The following ATP2B2 variants were observed in gnomAD, a reference collection of about 807,000 sequenced individuals.
ATP2B2 encodes the protein plasma membrane calcium-transporting ATPase 2.
In ATP2B2, 15 loss-of-function variants were observed where a neutral mutation model predicts 120.0. The observed-to-expected ratio is 0.12, with a 90% CI of 0.08 to 0.19. The LOEUF (loss-of-function observed/expected upper bound fraction) is 0.19, where lower values mean the gene tolerates loss of function less well. ATP2B2 is among the 10% of genes least tolerant of loss of function. The pLI, the probability that ATP2B2 is intolerant of heterozygous loss-of-function variation, is 1.00. For synonymous variants in ATP2B2, 694 were observed against 700.3 expected (o/e 0.99, Z 0.14); for missense variants, 1,045 against 1,719.8 (o/e 0.61, Z 6.94).
In ATP2B2 at chr3:10,343,499, A is replaced by AT. The variant is rs55777326; in HGVS notation, c.2704-535dup. ...ATTAATACATTTCAAGGTAGGAAAT[A>AT]TGGCAAATGAGGAATAGCAAAAGCA... On this transcript the variant is annotated intron_variant, in intron 18 of 22. Coordinates refer to ENST00000360273, the MANE Select transcript of ATP2B2 (RefSeq NM_001001331.4). This position sits in a 1 kb window ranked among gnomAD's most constrained non-coding sequence, Gnocchi z 4.2. Among the ~76,000 whole-genome samples, 151,999 of 152,000 alleles carry AT rather than the reference A, an allele frequency of 1. 75,999 individuals carry two copies. Among genetic ancestry groups the AT allele is most frequent in the Non-Finnish European group, 1 (67,996 of 67,996 alleles).
chr3:10,397,037 G>T (rs1339896576), intron 5 of ATP2B2, among the ~76,000 whole-genome samples: 2 of 152,184 alleles, frequency 1.3e-5, no homozygotes, highest in East Asian at 1.9e-4. Flanking sequence ...CACTCCTATT[G>T]TCCTCCCAGG....
At chr3:10,652,153 T>C (rs916692721) in intron 1 of ATP2B2, among the ~76,000 whole-genome samples, 5 of 152,174 alleles carry the variant, frequency 3.3e-5, no homozygotes, top group African/African-American at 1.2e-4. Context: ...TCTGCCCACC[T>C]CAGCCCCAGA....
chr3:10,659,428 A>C (rs892108293), intron 1 of ATP2B2, among the ~76,000 whole-genome samples: 1 of 152,250 alleles, frequency 6.6e-6, no homozygotes, highest in Non-Finnish European at 1.5e-5. Context: ...AAACAAAAAA[A>C]GGCAGGGGTT....
At chr3:10,388,561 C>G (rs1016405845) in intron 5 of ATP2B2, among the ~76,000 whole-genome samples, 159 bp from the exon 6 acceptor site, 21 of 152,182 alleles carry the variant, frequency 1.4e-4, no homozygotes, top group South Asian at 2.1e-4. Context: ...GTGGTGGGCT[C>G]TTTCAAGATG....
intron 15 of ATP2B2, 27 bp from the exon 16 acceptor site, chr3:10,350,226 G>A: frequency 6.7e-7 from 1 of 1,495,010 alleles, no homozygotes; most frequent in Non-Finnish European, 9.3e-7. Context: ...AAGGGGGCGG[G>A]TCGGTGGGGT....
intron 12 of ATP2B2, among the ~76,000 whole-genome samples, chr3:10,364,359 G>A (rs369342185): frequency 1.4e-4 from 22 of 152,140 alleles, no homozygotes; most frequent in African/African-American, 3.9e-4. Context: ...GGTCAAGTTT[G>A]TAAATTTTAT....
Position 10,402,764 on chromosome 3 carries a change from T to C in ATP2B2, c.398-416A>G, listed in dbSNP as rs146332882. Among the ~76,000 whole-genome samples the C allele has an allele frequency of 2.5e-3, 385 of 152,330 alleles. 3 individuals carry two copies. The highest frequency in any genetic ancestry group is 8.9e-3 in the African/African-American group (372 of 41,572). On this transcript the variant is annotated intron_variant, in intron 3 of 22. Transcript: ENST00000360273. This position sits in a 1 kb window ranked among gnomAD's most constrained non-coding sequence, Gnocchi z 4.9. ...ATTTTTTCTCATCTGGGTAAGAATA[T>C]TCTCTATCTCGGGGACCTATTGTCA...
chr3:10,468,136 G>C (rs543252745), intron 1 of ATP2B2, among the ~76,000 whole-genome samples: 3 of 152,356 alleles, frequency 2.0e-5, no homozygotes, highest in Admixed American at 2.0e-4. Flanking sequence ...GAGATGGAAA[G>C]ACAGGGCCAC....
At chr3:10,482,617 C>T (rs895754647) in intron 1 of ATP2B2, among the ~76,000 whole-genome samples, 3 of 152,212 alleles carry the variant, frequency 2.0e-5, no homozygotes, top group Non-Finnish European at 4.4e-5. Context: ...TCTCCCTGAC[C>T]TGTGTGTCCC....
chr3:10,377,066 G>A (rs2061401060), intron 10 of ATP2B2, among the ~76,000 whole-genome samples: 1 of 152,170 alleles, frequency 6.6e-6, no homozygotes, highest in South Asian at 2.1e-4. Flanking sequence ...GTGAACCCAG[G>A]AGTGCTTGAC....
chr3:10,508,174 A>AC (rs1440848616), upstream of ATP2B2, among the ~76,000 whole-genome samples: 2 of 151,738 alleles, frequency 1.3e-5, no homozygotes, highest in East Asian at 3.9e-4. Flanking sequence ...GCCTGCATCC[A>AC]CCCCGCAGTG....
At chr3:10,529,019 A>ACCCCC (rs573492716) in intron 3 of ATP2B2, among the ~76,000 whole-genome samples, 1 of 152,012 alleles carries the variant, frequency 6.6e-6, no homozygotes, top group African/African-American at 2.4e-5. Context: ...TCCAGCACTG[A>ACCCCC]CCCCCCACCT....
intron 1 of ATP2B2, among the ~76,000 whole-genome samples, chr3:10,485,943 G>T (rs1248770905): frequency 6.6e-6 from 1 of 152,216 alleles, no homozygotes; most frequent in African/African-American, 2.4e-5. Flanking sequence ...GGATGTGGGG[G>T]CCAGGGCATC....
intron 1 of ATP2B2, among the ~76,000 whole-genome samples, chr3:10,637,863 A>C (rs1428827818): frequency 6.6e-6 from 1 of 152,208 alleles, no homozygotes; most frequent in Non-Finnish European, 1.5e-5. Flanking sequence ...CAAATTGTGG[A>C]AAACAAGTGG....
chr3:10,330,515 C>G (rs772089281), intron 22 of ATP2B2, among the ~76,000 whole-genome samples: 1 of 152,244 alleles, frequency 6.6e-6, no homozygotes, highest in Non-Finnish European at 1.5e-5. Context: ...AGCCCCAACT[C>G]GGAGTGGAGT....
chr3:10,485,547 C>T lies in ATP2B2; in HGVS notation c.-320+19918G>A, dbSNP rs369289187. Among the ~76,000 whole-genome samples the T allele has an allele frequency of 1.9e-4, 29 of 152,316 alleles. 1 individual carries two copies. The South Asian group carries it at 4.1e-3, about 22-fold the overall frequency. On this transcript the variant is annotated intron_variant, in intron 1 of 22. Coordinates refer to ENST00000360273, the MANE Select transcript of ATP2B2 (RefSeq NM_001001331.4). Reference sequence around the variant, plus strand: ...CGCTCCCTCCGCTTCTCCCTGCCTCCGTATGGAGCTTTCTAAAGCAGGCCC... The same window carrying T: ...CGCTCCCTCCGCTTCTCCCTGCCTCTGTATGGAGCTTTCTAAAGCAGGCCC...
intron 1 of ATP2B2, among the ~76,000 whole-genome samples, chr3:10,490,201 C>T (rs1479819979): frequency 6.6e-6 from 1 of 152,228 alleles, no homozygotes; most frequent in Non-Finnish European, 1.5e-5. Context: ...GGTTTCTCTG[C>T]TAGACCCCAT....
rs77451294 is a variant in ATP2B2, at chr3:10,680,409, T to C, written c.-460+27506A>G. ...TGTCTGTCTCTGTGGGAGCGACCTC[T>C]TTATCGAGCTCTTAAAATTCCCCTC... On this transcript the variant is annotated intron_variant, in intron 1 of 21. Coordinates refer to the ATP2B2 transcript ENST00000646379. Among the ~76,000 whole-genome samples the C allele has an allele frequency of 5.0e-3, 758 of 152,100 alleles. 7 individuals are homozygous for C. The highest frequency in any genetic ancestry group is 0.017 in the African/African-American group (716 of 41,506).
rs989110624 is a variant in ATP2B2 at position 10,324,579 on chromosome 3, C to T, written c.*4235G>A. 1 of 152,180 alleles carries T rather than the reference C, an allele frequency of 6.6e-6. No homozygotes were observed. Among genetic ancestry groups the T allele is most frequent in the Non-Finnish European group, 1.5e-5 (1 of 68,054 alleles). 9.4% of individuals were successfully genotyped at this position (152,180 alleles called of 1,614,324 possible). ...AAGAAACGCTCTTCCCTACAAGAGC[C>T]TCTAATGGTGGGATTTTGGACACAA... On this transcript the variant is annotated 3_prime_UTR_variant, in exon 23 of 23. Transcript: ENST00000360273.
Sources: allele counts gnomAD v4.1 joint callset (sites outside exome capture counted in the v4.1 genomes callset), GRCh38; gene constraint gnomAD v4.1.1; non-coding constraint Gnocchi (gnomAD v3.1); transcripts MANE v1.5; gene names NCBI Gene and HGNC (gene_info 2026-07-23, HGNC 2026-07-21).